PHACTR2: variants seen among roughly 807,000 people sequenced by gnomAD.
PHACTR2 encodes phosphatase and actin regulator 2.
Under a neutral mutation model 76.0 loss-of-function variants are expected in PHACTR2, and 30 were observed. The ratio of observed to expected loss-of-function variants is 0.39; its 90% CI spans 0.30 to 0.54. The LOEUF (loss-of-function observed/expected upper bound fraction) is 0.54, where lower values mean the gene tolerates loss of function less well. PHACTR2 is among the 20% of genes least tolerant of loss of function. The pLI, the probability that PHACTR2 is intolerant of heterozygous loss-of-function variation, is 0.61. For synonymous variants in PHACTR2, 292 were observed against 292.5 expected (o/e 1.00, Z 0.02); for missense variants, 696 against 781.1 (o/e 0.89, Z 1.30).
chr6:143,642,952 T>C (rs1260097695), intron 1 of PHACTR2, among the ~76,000 whole-genome samples: 1 of 152,234 alleles, frequency 6.6e-6, no homozygotes, highest in East Asian at 1.9e-4. Flanking sequence ...ACTAATAGTT[T>C]GGCTATTCCC....
In PHACTR2 at chr6:143,663,309, C is replaced by T. The variant is rs1776974853; in HGVS notation, c.14-48707C>T. On this transcript the variant is annotated intron_variant, in intron 1 of 11. Coordinates refer to the PHACTR2 transcript ENST00000305766. This position sits in a 1 kb window ranked among gnomAD's most constrained non-coding sequence, Gnocchi z 4.1. ...TTTTCATTCAAAGTTGCAGAGCACTCTCTCAACATGCTGAGTGAAGGCTTG... is the reference window on the plus strand; with the variant it reads ...TTTTCATTCAAAGTTGCAGAGCACTTTCTCAACATGCTGAGTGAAGGCTTG... 6.6e-6 allele frequency among the ~76,000 whole-genome samples: 1 copy of T among 152,358 alleles called. No homozygotes were observed. The highest frequency in any genetic ancestry group is 2.1e-4 in the South Asian group (1 of 4,832).
chr6:143,676,285 T>G (rs1777243191), upstream of PHACTR2, among the ~76,000 whole-genome samples: 1 of 152,230 alleles, frequency 6.6e-6, no homozygotes, highest in Non-Finnish European at 1.5e-5. The surrounding 1 kb of genome is among the most constrained non-coding windows in gnomAD (Gnocchi z 4.8). Flanking sequence ...AAACTGGAAC[T>G]ATAGTGCACC....
At chr6:143,763,826 G>C (rs551667897) in intron 5 of PHACTR2, among the ~76,000 whole-genome samples, 1 of 152,278 alleles carries the variant, frequency 6.6e-6, no homozygotes, top group African/African-American at 2.4e-5. Flanking sequence ...AATAACATCT[G>C]TATACAGTGT....
intron 2 of PHACTR2, among the ~76,000 whole-genome samples, chr6:143,713,460 T>C (rs62427399): frequency 0.11 from 16,628 of 148,656 alleles, 954 homozygotes; most frequent in South Asian, 0.18. Context: ...AATAAAAAGA[T>C]AGAGAAAGAA....
Position 143,713,530 on chromosome 6 carries a change from T to G in PHACTR2, c.214+1347T>G, listed in dbSNP as rs200476394. 4.6e-5 allele frequency among the ~76,000 whole-genome samples: 7 copies of G among 152,342 alleles called. No homozygotes were observed. The East Asian group carries it at 1.4e-3, about 29-fold the overall frequency. On this transcript the variant is annotated intron_variant, in intron 2 of 12. Transcript: ENST00000440869. ...TGGTTATTGGGTCCTCTTCAGCACC[T>G]AAGTGGCTTTCTGGGTTAGGAGGCA...
At chr6:143,620,142 C>T (rs539465705) in intron 1 of PHACTR2, among the ~76,000 whole-genome samples, 18 of 152,278 alleles carry the variant, frequency 1.2e-4, no homozygotes, top group Middle Eastern at 3.4e-3. Context: ...ATCCAGACTT[C>T]GTGGAAAACC....
chr6:143,777,202 T>G lies in PHACTR2; in HGVS notation c.1590-126T>G. On this transcript the variant is annotated intron_variant, in intron 8 of 12. Transcript: ENST00000440869. This position sits in a 1 kb window ranked among gnomAD's most constrained non-coding sequence, Gnocchi z 4.6. ...AAACTAATGGGAAGGAGACTTTTAT[T>G]TTGCAGCTTTAAAAATGGATTTTTA... 1.8e-6 allele frequency: 1 copy of G among 563,314 alleles called. No individual in the cohort carries two copies. Among genetic ancestry groups the G allele is most frequent in the Non-Finnish European group, 3.1e-6 (1 of 321,388 alleles). The allele number at this position is 563,314 out of a possible 1,614,324, so 34.9% of individuals were successfully genotyped here.
At chr6:143,603,201 T>C (rs1775831089), upstream of PHACTR2, among the ~76,000 whole-genome samples, 2 of 150,876 alleles carry the variant, frequency 1.3e-5, no homozygotes, top group Non-Finnish European at 3.0e-5. Flanking sequence ...TGAAGACATT[T>C]AAAAATGTCT....
At chr6:143,587,692 A>G (rs982580674) in intron 1 of PHACTR2, among the ~76,000 whole-genome samples, 3 of 152,184 alleles carry the variant, frequency 2.0e-5, no homozygotes, top group Non-Finnish European at 4.4e-5. Context: ...CATCCATCCC[A>G]TGGGAACTCT....
At chr6:143,813,975 A>G (rs528181335) in intron 12 of PHACTR2, among the ~76,000 whole-genome samples, 3 of 152,360 alleles carry the variant, frequency 2.0e-5, no homozygotes, top group Admixed American at 6.5e-5. Flanking sequence ...TAACATAGTC[A>G]ATCAACACAT....
intron 1 of PHACTR2, among the ~76,000 whole-genome samples, chr6:143,575,480 C>T (rs1224156857): frequency 6.6e-6 from 1 of 152,124 alleles, no homozygotes; most frequent in African/African-American, 2.4e-5. Context: ...GGATGGCTTT[C>T]AGAAAGATGG....
rs762497250 is a variant in PHACTR2 at position 143,782,649 on chromosome 6, A to T, written c.1646-570A>T. 2.6e-5 allele frequency among the ~76,000 whole-genome samples: 4 copies of T among 152,196 alleles called. No individual in the cohort carries two copies. The highest frequency in any genetic ancestry group is 5.9e-5 in the Non-Finnish European group (4 of 68,032). On this transcript the variant is annotated intron_variant, in intron 9 of 12. Coordinates refer to ENST00000440869, the MANE Select transcript of PHACTR2 (RefSeq NM_001100164.2). The surrounding 1 kb of genome is among the most constrained non-coding windows in gnomAD (Gnocchi z 4.6). ...AGTACATCATAACCTCATTTAGAAC[A>T]TTCTGGTTTGAAAGCAAAGTCCAAG...
rs1352162623 is a variant in PHACTR2 at position 143,547,770 on chromosome 6, C to T, written c.217+10563C>T. On this transcript the variant is annotated intron_variant, in intron 1 of 11. Coordinates refer to the PHACTR2 transcript ENST00000367584. This position sits in a 1 kb window ranked among gnomAD's most constrained non-coding sequence, Gnocchi z 4.2. ...GTGTGGCTTCATGATACCTTGCGGC[C>T]AGGAACTGATACATTGATACATTGG... Among the ~76,000 whole-genome samples the T allele has an allele frequency of 6.6e-6, 1 of 152,204 alleles. No homozygotes were observed. The highest frequency in any genetic ancestry group is 1.5e-5 in the Non-Finnish European group (1 of 68,038).
In PHACTR2 at chr6:143,765,261, C is replaced by A; in HGVS notation, c.695C>A (p.Ala232Asp). ...PASRNTTREAAGSSHSKKTTG... is the reference protein window; with the variant it reads ...PASRNTTREADGSSHSKKTTG... ...TTAATGCAAGGTCTCTCTATTGTAGCTGGCTCCTCTCATTCAAAAAAAACA... is the reference window on the plus strand; with the variant it reads ...TTAATGCAAGGTCTCTCTATTGTAGATGGCTCCTCTCATTCAAAAAAAACA... The change falls in exon 6 of 13, where the codon GCT becomes GAT. Residue 232 changes from alanine to aspartate, a missense_variant and splice_region_variant. By Grantham distance (126) the Ala-to-Asp change is moderately radical (BLOSUM62 -2). This residue lies in a region of PHACTR2 where 460 missense variants were observed against 450.9 expected (regional missense o/e 1.02). Transcript: ENST00000440869. The surrounding 1 kb of genome is among the most constrained non-coding windows in gnomAD (Gnocchi z 4.1). 6.2e-7 allele frequency: 1 copy of A among 1,609,542 alleles called. No individual in the cohort carries two copies. Among genetic ancestry groups the A allele is most frequent in the South Asian group, 1.1e-5 (1 of 90,852 alleles).
intron 2 of PHACTR2, among the ~76,000 whole-genome samples, chr6:143,728,541 A>T (rs1228222551): frequency 6.6e-6 from 1 of 152,190 alleles, no homozygotes; most frequent in African/African-American, 2.4e-5. Context: ...AATCCTGAGC[A>T]AAAAGAAGAA....
chr6:143,786,134 A>C lies in PHACTR2; in HGVS notation c.1708-2639A>C, dbSNP rs62427429. Among the ~76,000 whole-genome samples the C allele has an allele frequency of 6.5e-3, 989 of 152,286 alleles. 8 individuals are homozygous for C. Among genetic ancestry groups the C allele is most frequent in the Non-Finnish European group, 0.011 (725 of 68,022 alleles). On this transcript the variant is annotated intron_variant, in intron 10 of 12. Coordinates refer to ENST00000440869, the MANE Select transcript of PHACTR2 (RefSeq NM_001100164.2). ...CTTTTATGCTCTGTTTCCCTTTTAA[A>C]ATGGAATGCTTTTAACAGCACCCAA...
In PHACTR2 at chr6:143,754,981, T is replaced by A. The variant is rs1040799838; in HGVS notation, c.454+1069T>A. Among the ~76,000 whole-genome samples the A allele has an allele frequency of 1.2e-4, 18 of 152,332 alleles. No homozygotes were observed. Among genetic ancestry groups the A allele is most frequent in the African/African-American group, 4.1e-4 (17 of 41,578 alleles). ...GCCCTATTAAACACACCATTGTAAC[T>A]TAAAATCATCCTCTGTGGAAGTTCA... On this transcript the variant is annotated intron_variant, in intron 4 of 12. Coordinates refer to ENST00000440869, the MANE Select transcript of PHACTR2 (RefSeq NM_001100164.2). The surrounding 1 kb of genome is among the most constrained non-coding windows in gnomAD (Gnocchi z 6.2).
rs145858052 is a variant in PHACTR2 at position 143,745,303 on chromosome 6, C to A, written c.215-3682C>A. Among the ~76,000 whole-genome samples the A allele has an allele frequency of 2.7e-3, 410 of 152,320 alleles. 1 individual carries two copies. The highest frequency in any genetic ancestry group is 4.5e-3 in the Non-Finnish European group (307 of 68,032). Reference sequence around the variant, plus strand: ...ACAAACAACTGACTTTAGTCCGGAGCTACAGAGAGCTTGGGTTAGATTGAT... The same window carrying A: ...ACAAACAACTGACTTTAGTCCGGAGATACAGAGAGCTTGGGTTAGATTGAT... On this transcript the variant is annotated intron_variant, in intron 2 of 12. Coordinates refer to ENST00000440869, the MANE Select transcript of PHACTR2 (RefSeq NM_001100164.2).
Position 143,739,476 on chromosome 6 carries a change from G to A in PHACTR2, c.215-9509G>A, listed in dbSNP as rs1778894568. ...CGTATTTCAAACATTGGTCCCCTCT[G>A]TGGTGTCACTGTGTCTTAGGTTTAC... On this transcript the variant is annotated intron_variant, in intron 2 of 12. Coordinates refer to ENST00000440869, the MANE Select transcript of PHACTR2 (RefSeq NM_001100164.2). The surrounding 1 kb of genome is among the most constrained non-coding windows in gnomAD (Gnocchi z 4.3). Among the ~76,000 whole-genome samples, 2 of 152,186 alleles carry A rather than the reference G, an allele frequency of 1.3e-5. No individual in the cohort carries two copies. The highest frequency in any genetic ancestry group is 1.3e-4 in the Admixed American group (2 of 15,278).
Sources: gnomAD v4.1 joint callset for allele counts (sites outside exome capture counted in the v4.1 genomes callset) on GRCh38, gnomAD v4.1.1 for gene constraint, gnomAD v4.1.1 regional missense constraint, Gnocchi (gnomAD v3.1) non-coding constraint, MANE v1.5 for transcripts, NCBI Gene and HGNC (gene_info 2026-07-23, HGNC 2026-07-21) for gene names.